Variants in EXOC1L observed in about 807,000 individuals in gnomAD.
EXOC1L encodes the protein exocyst complex component 1 like, also known as exocyst complex component 1-like.
A neutral mutation model predicts 4.9 loss-of-function variants in EXOC1L; 10 were observed. The ratio of observed to expected loss-of-function variants is 2.02; its 90% confidence interval spans 1.25 to 3.43. The LOEUF is 3.43. Among genes scored for constraint, EXOC1L ranks in the 30% most tolerant of loss-of-function variants. The probability of loss-of-function intolerance (pLI) is 0.00; values close to 1 mark genes in which losing one functional copy is unlikely to be tolerated. For synonymous variants in EXOC1L, 41 were observed against 20.8 expected (o/e 1.97, Z -2.63); for missense variants, 114 against 59.4 (o/e 1.92, Z -3.02).
chr4:55,821,818 C>G (rs1436085026), intron 1 of EXOC1L, among the ~76,000 whole-genome samples: 1 of 152,230 alleles, frequency 6.6e-6, no homozygotes, highest in East Asian at 1.9e-4. Context: ...TAACTTTTCA[C>G]TACTCTCTTC....
chr4:55,824,271 T>TCACACA (rs746113500), intron 1 of EXOC1L, among the ~76,000 whole-genome samples: 10 of 144,708 alleles, frequency 6.9e-5, no homozygotes, highest in African/African-American at 1.3e-4. Flanking sequence ...TCTCTCTCTC[T>TCACACA]CTCACACACA....
At chr4:55,834,390 T>A (rs1434553751) in intron 2 of EXOC1L, among the ~76,000 whole-genome samples, 1 of 151,902 alleles carries the variant, frequency 6.6e-6, no homozygotes, top group Non-Finnish European at 1.5e-5. Context: ...GAAACTACTG[T>A]GTTATCCCAG....
Position 55,820,079 on chromosome 4 carries a change from C to T in EXOC1L, c.53C>T (p.Ser18Leu). 2 of 399,030 alleles carry T rather than the reference C, an allele frequency of 5.0e-6. No individual in the cohort carries two copies. Among genetic ancestry groups the T allele is most frequent in the Non-Finnish European group, 8.8e-6 (2 of 226,094 alleles). 24.7% of individuals were successfully genotyped at this position (399,030 alleles called of 1,614,324 possible). The change falls in exon 1 of 3, where the codon TCG becomes TTG. Residue 18 changes from serine to leucine, a missense_variant. Coordinates refer to ENST00000636125, the MANE Select transcript of EXOC1L (RefSeq NM_001351574.3). ...DLEKKLFKPL[S>L]QNLYEFIEIE... ...GAGAAGAAACTGTTTAAGCCACTCT[C>T]GCAGAATCTGTACGAGTTTATTGAA...
At chr4:55,832,811 A>G (rs1720067953) in intron 2 of EXOC1L, among the ~76,000 whole-genome samples, 1 of 151,988 alleles carries the variant, frequency 6.6e-6, no homozygotes, top group South Asian at 2.1e-4. Context: ...GAAAGCCTCT[A>G]CAAATTCATA....
chr4:55,836,532 T>C (rs1431357195), intron 2 of EXOC1L, among the ~76,000 whole-genome samples: 1 of 151,928 alleles, frequency 6.6e-6, no homozygotes, highest in Non-Finnish European at 1.5e-5. Context: ...CTAGAGGCAG[T>C]CTTTAGTAAA....
chr4:55,834,069 T>G (rs957052026), intron 2 of EXOC1L, among the ~76,000 whole-genome samples: 2 of 151,990 alleles, frequency 1.3e-5, no homozygotes, highest in African/African-American at 4.8e-5. Flanking sequence ...TTTTTACATT[T>G]ACATGATTGC....
In EXOC1L at chr4:55,837,098, T is replaced by C. The variant is rs1720182983; in HGVS notation, c.266T>C (p.Phe89Ser). ...GKEADTDNPFFDLHFKKVYSL... is the reference protein window; with the variant it reads ...GKEADTDNPFSDLHFKKVYSL... ...ATTCTCTTCCAGGACAATCCATTTT[T>C]TGATCTGCACTTCAAGAAAGTGTAC... Residue 89 changes from phenylalanine to serine, a missense_variant, in exon 3 of 3, where the codon TTT becomes TCT. Phe to Ser is a radical substitution (Grantham distance 155). Coordinates refer to ENST00000636125, the MANE Select transcript of EXOC1L (RefSeq NM_001351574.3). 1 of 699,556 alleles carries C rather than the reference T, an allele frequency of 1.4e-6. No homozygotes were observed. Among genetic ancestry groups the C allele is most frequent in the African/African-American group, 1.8e-5 (1 of 57,122 alleles). 43.3% of individuals were successfully genotyped at this position (699,556 alleles called of 1,614,324 possible).
chr4:55,823,536 A>C (rs991965500), intron 1 of EXOC1L, among the ~76,000 whole-genome samples: 1 of 152,214 alleles, frequency 6.6e-6, no homozygotes, highest in South Asian at 2.1e-4. Context: ...GTTTTAAAAA[A>C]TTTTCATATA....
At chr4:55,828,901 T>C (rs1221665914) in intron 1 of EXOC1L, among the ~76,000 whole-genome samples, 2 of 152,086 alleles carry the variant, frequency 1.3e-5, no homozygotes, top group African/African-American at 4.8e-5. Context: ...AAACTGGCCT[T>C]GGAAACCTTT....
Position 55,819,814 on chromosome 4 carries a change from C to G in EXOC1L, c.-213C>G. 2.9e-6 allele frequency: 1 copy of G among 344,056 alleles called. No homozygotes were observed. 21.3% of individuals were successfully genotyped at this position (344,056 alleles called of 1,614,324 possible). On this transcript the variant is annotated 5_prime_UTR_variant, in exon 1 of 3. Coordinates refer to ENST00000636125, the MANE Select transcript of EXOC1L (RefSeq NM_001351574.3). ...ATTTTGGCTGCCGCCGCCGCTGCTGCCACTGGGCAGATACCGCAGTGAGGG... is the reference window on the plus strand; with the variant it reads ...ATTTTGGCTGCCGCCGCCGCTGCTGGCACTGGGCAGATACCGCAGTGAGGG...
At chr4:55,828,552 C>G (rs1237954331) in intron 1 of EXOC1L, among the ~76,000 whole-genome samples, 1 of 152,138 alleles carries the variant, frequency 6.6e-6, no homozygotes, top group Non-Finnish European at 1.5e-5. Flanking sequence ...GGTTTGGGGG[C>G]CAGGCATGGT....
chr4:55,831,793 C>T (rs139316357), intron 2 of EXOC1L, among the ~76,000 whole-genome samples: 66 of 152,226 alleles, frequency 4.3e-4, no homozygotes, highest in African/African-American at 1.6e-3. Context: ...CTCCCCACCA[C>T]AATTTCCTCT....
chr4:55,820,549 T>C (rs971425773), intron 1 of EXOC1L, among the ~76,000 whole-genome samples: 2 of 152,192 alleles, frequency 1.3e-5, no homozygotes, highest in Admixed American at 6.5e-5. Context: ...ACAGCACCAT[T>C]TGCAACTCGT....
At position 55,820,778 on chromosome 4, in the gene EXOC1L, T is replaced by C. The variant is rs548938914; in HGVS notation, c.121+631T>C. Among the ~76,000 whole-genome samples the C allele has an allele frequency of 4.6e-5, 7 of 152,306 alleles. No homozygotes were observed. The East Asian group carries it at 1.3e-3, about 29-fold the overall frequency. ...GGATAAGAGGATGTCCTCCAAACTG[T>C]TTAACTAAAATAAAGATTTTTACCC... is the stretch of plus-strand genomic sequence containing the variant. On this transcript the variant is annotated intron_variant, in intron 1 of 2. Coordinates refer to ENST00000636125, the MANE Select transcript of EXOC1L (RefSeq NM_001351574.3).
intron 1 of EXOC1L, among the ~76,000 whole-genome samples, chr4:55,825,975 C>T (rs1363908038): frequency 2.0e-5 from 3 of 151,184 alleles, no homozygotes; most frequent in African/African-American, 7.3e-5. Context: ...ATCCCAGCTA[C>T]TCAGGAGGCT....
intron 2 of EXOC1L, among the ~76,000 whole-genome samples, chr4:55,836,630 G>T (rs2110287003): frequency 6.6e-6 from 1 of 152,016 alleles, no homozygotes; most frequent in South Asian, 2.1e-4. Flanking sequence ...ACAGCAAATT[G>T]GTGATCTGTA....
chr4:55,835,121 C>T (rs1720127505), intron 2 of EXOC1L, among the ~76,000 whole-genome samples: 1 of 151,744 alleles, frequency 6.6e-6, no homozygotes, highest in African/African-American at 2.4e-5. Context: ...GAATAATGGT[C>T]TCCAATTCCA....
intron 1 of EXOC1L, among the ~76,000 whole-genome samples, chr4:55,820,551 G>C (rs1018148462): frequency 6.6e-6 from 1 of 152,170 alleles, no homozygotes; most frequent in Non-Finnish European, 1.5e-5. Flanking sequence ...AGCACCATTT[G>C]CAACTCGTCT....
At chr4:55,826,831 C>T (rs1355663777) in intron 1 of EXOC1L, among the ~76,000 whole-genome samples, 2 of 152,114 alleles carry the variant, frequency 1.3e-5, no homozygotes, top group Non-Finnish European at 2.9e-5. Context: ...CTTGGAGACT[C>T]CTTAGCTATA....
Sources: allele counts gnomAD v4.1 joint callset (sites outside exome capture counted in the v4.1 genomes callset), GRCh38; gene constraint gnomAD v4.1.1; transcripts MANE v1.5; gene names NCBI Gene and HGNC (gene_info 2026-07-23, HGNC 2026-07-21).